Variants in TERF1 observed in about 807,000 individuals in gnomAD.
TERF1 encodes the protein telomeric repeat-binding factor 1.
A neutral mutation model predicts 55.1 loss-of-function variants in TERF1; 20 were observed. The observed-to-expected ratio is 0.36, with a 90% confidence interval of 0.26 to 0.53. The LOEUF (loss-of-function observed/expected upper bound fraction) is 0.53, where lower values mean the gene tolerates loss of function less well. TERF1 is among the 20% of genes least tolerant of loss of function. TERF1 has a pLI of 0.91. For synonymous variants in TERF1, 168 were observed against 181.2 expected (o/e 0.93, Z 0.59); for missense variants, 439 against 535.7 (o/e 0.82, Z 1.78).
chr8:73,017,956 G>T (rs1001980278), intron 2 of TERF1, among the ~76,000 whole-genome samples: 2 of 152,158 alleles, frequency 1.3e-5, no homozygotes, highest in Non-Finnish European at 2.9e-5. Flanking sequence ...TGATCCGCCT[G>T]CCTTGGCCTC....
chr8:73,042,333 C>T (rs540733282), intron 9 of TERF1, among the ~76,000 whole-genome samples: 1 of 152,198 alleles, frequency 6.6e-6, no homozygotes, highest in South Asian at 2.1e-4. Context: ...ATTTCCTATG[C>T]CAAAAAAGAA....
chr8:73,043,448 G>C (rs906809932), intron 9 of TERF1: 1 of 152,066 alleles, frequency 6.6e-6, no homozygotes, highest in Admixed American at 6.6e-5. Context: ...GGTTAGGGGT[G>C]AGCAAAATTT....
intron 9 of TERF1, among the ~76,000 whole-genome samples, chr8:73,039,780 T>A (rs1418018124): frequency 7.4e-6 from 1 of 135,540 alleles, no homozygotes; most frequent in Non-Finnish European, 1.5e-5. Context: ...GGTGTGTGTG[T>A]GTGTGTGTGT....
chr8:73,030,488 C>A, intron 7 of TERF1, 93 bp downstream of exon 7: 11 of 761,664 alleles, frequency 1.4e-5, no homozygotes, highest in Admixed American at 4.2e-5. Context: ...ATAAATGGTA[C>A]AATTGAAAGA....
chr8:73,016,581 C>T (rs1394049174), intron 2 of TERF1, among the ~76,000 whole-genome samples: 1 of 151,866 alleles, frequency 6.6e-6, no homozygotes, highest in East Asian at 1.9e-4. Flanking sequence ...TACAGGTGCA[C>T]CATCAGGCCC....
chr8:73,037,296 T>TTATCTACCTATCTACTTACC (rs1317435156), intron 8 of TERF1, among the ~76,000 whole-genome samples: 2 of 136,978 alleles, frequency 1.5e-5, no homozygotes, highest in African/African-American at 5.3e-5. Flanking sequence ...TTTATCTATC[T>TTATCTACCTATCTACTTACC]TATCTACCTA....
At position 73,018,017 on chromosome 8, in the gene TERF1, A is replaced by G. The variant is rs191175543; in HGVS notation, c.416-2667A>G. Among the ~76,000 whole-genome samples, 820 of 152,276 alleles carry G rather than the reference A, an allele frequency of 5.4e-3. 9 individuals carry two copies. The highest frequency in any genetic ancestry group is 6.8e-3 in the Non-Finnish European group (463 of 68,024). On this transcript the variant is annotated intron_variant, in intron 2 of 9. Coordinates refer to ENST00000276603, the MANE Select transcript of TERF1 (RefSeq NM_017489.3). ...AGCCACCGCGCCTGGCCATGCATCA[A>G]TATTTTTCAAAAGCTCTTCAGATGT...
At chr8:73,039,061 GCT>G (rs1563473402) in intron 8 of TERF1, 53 bp from the exon 9 acceptor site, 1 of 1,117,050 alleles carries the variant, frequency 9.0e-7, no homozygotes, top group Non-Finnish European at 1.3e-6. Context: ...AAATATAATT[GCT>G]CTTTTTTCTT....
intron 9 of TERF1, among the ~76,000 whole-genome samples, chr8:73,045,362 C>T (rs1809991435): frequency 6.6e-6 from 1 of 151,960 alleles, no homozygotes; most frequent in South Asian, 2.1e-4. Context: ...TAGTTAGTTG[C>T]CTGTAGCAAA....
At chr8:73,042,463 T>TA (rs201566363) in intron 9 of TERF1, among the ~76,000 whole-genome samples, 3,254 of 147,932 alleles carry the variant, frequency 0.022, 88 homozygotes, top group African/African-American at 0.072. Flanking sequence ...TTGAGGTTTT[T>TA]AAAAAAAAAA....
intron 8 of TERF1, among the ~76,000 whole-genome samples, chr8:73,035,307 A>G (rs879280076): frequency 2.0e-5 from 3 of 152,020 alleles, no homozygotes; most frequent in Admixed American, 6.6e-5. Context: ...ATACTTTTTC[A>G]TTTTTGTAGA....
chr8:73,044,850 T>C (rs1809971527), intron 9 of TERF1, among the ~76,000 whole-genome samples: 1 of 152,186 alleles, frequency 6.6e-6, no homozygotes. Flanking sequence ...TGTTCTAGAA[T>C]GCGTCAGAAC....
chr8:73,012,900 ACCT>A, intron 1 of TERF1: 1 of 455,928 alleles, frequency 2.2e-6, no homozygotes, highest in African/African-American at 2.0e-5. Context: ...TGAAGTCATC[ACCT>A]CCTAACACAG....
chr8:73,022,669 C>T (rs866948375), intron 4 of TERF1, among the ~76,000 whole-genome samples: 4 of 151,894 alleles, frequency 2.6e-5, no homozygotes, highest in South Asian at 2.1e-4. Context: ...AAAAGAGGCC[C>T]GGTGCAATAG....
intron 8 of TERF1, among the ~76,000 whole-genome samples, chr8:73,037,326 A>G (rs998483971): frequency 7.8e-6 from 1 of 128,314 alleles, no homozygotes; most frequent in African/African-American, 2.9e-5. Context: ...CTACCTACCT[A>G]CCTAACTGTT....
rs1810040717 is a variant in TERF1, at chr8:73,046,491, T to C, written c.*354T>C. On this transcript the variant is annotated 3_prime_UTR_variant, in exon 10 of 10. Coordinates refer to ENST00000276603, the MANE Select transcript of TERF1 (RefSeq NM_017489.3). ...GACCTCAACCCTGTAACGTAACCCATTAAAATGAATTTCTTTTTTTTTAAG... is the reference window on the plus strand; with the variant it reads ...GACCTCAACCCTGTAACGTAACCCACTAAAATGAATTTCTTTTTTTTTAAG... The C allele has an allele frequency of 6.4e-6, 1 of 155,418 alleles. No homozygotes were observed. The highest frequency in any genetic ancestry group is 2.1e-4 in the South Asian group (1 of 4,856). 9.6% of individuals were successfully genotyped at this position (155,418 alleles called of 1,614,324 possible).
At chr8:73,031,997 A>G (rs569409402) in intron 7 of TERF1, 45 bp from the exon 8 acceptor site, 33 of 1,342,192 alleles carry the variant, frequency 2.5e-5, no homozygotes, top group Non-Finnish European at 3.4e-5. Context: ...CCATTGCCTT[A>G]CTATCTTTCT....
At chr8:73,038,023 TAGA>T (rs971214068) in intron 8 of TERF1, among the ~76,000 whole-genome samples, 9 of 146,786 alleles carry the variant, frequency 6.1e-5, no homozygotes, top group African/African-American at 2.3e-4. Context: ...CCTGCGAATA[TAGA>T]AGGCCAGCAG....
chr8:73,032,729 A>G (rs1449975126), intron 8 of TERF1, among the ~76,000 whole-genome samples: 1 of 152,138 alleles, frequency 6.6e-6, no homozygotes, highest in East Asian at 1.9e-4. Flanking sequence ...AGTACAGTTG[A>G]TTCTTGTTAT....
Sources: allele counts gnomAD v4.1 joint callset (sites outside exome capture counted in the v4.1 genomes callset), GRCh38; gene constraint gnomAD v4.1.1; transcripts MANE v1.5; gene names NCBI Gene and HGNC (gene_info 2026-07-23, HGNC 2026-07-21).